MED26: variants seen among roughly 807,000 people sequenced by gnomAD.
MED26 encodes mediator of RNA polymerase II transcription subunit 26.
Under a neutral mutation model 43.7 loss-of-function variants are expected in MED26, and 7 were observed. The observed-to-expected ratio is 0.16, with a 90% confidence interval of 0.09 to 0.30. The LOEUF is 0.30. Among genes scored for constraint, MED26 ranks in the 10% least tolerant of loss-of-function variants. The probability of loss-of-function intolerance (pLI) is 1.00; values close to 1 mark genes in which losing one functional copy is unlikely to be tolerated. For synonymous variants in MED26, 375 were observed against 371.1 expected (o/e 1.01, Z -0.12); for missense variants, 784 against 840.6 (o/e 0.93, Z 0.83).
chr19:16,615,801 G>A (rs913153165), intron 1 of MED26, among the ~76,000 whole-genome samples: 26 of 150,414 alleles, frequency 1.7e-4, no homozygotes, highest in African/African-American at 6.1e-4. Context: ...GACCAGCCAA[G>A]CCACAAGGTC....
chr19:16,627,755 C>T (rs1599352919), intron 1 of MED26, 117 bp downstream of exon 1: 2 of 664,412 alleles, frequency 3.0e-6, no homozygotes, highest in South Asian at 4.7e-5. Context: ...CAGCGGCCCT[C>T]GAGGGGAGGT....
chr19:16,609,693 T>G (rs2086190830), intron 1 of MED26, among the ~76,000 whole-genome samples: 1 of 152,080 alleles, frequency 6.6e-6, no homozygotes, highest in Non-Finnish European at 1.5e-5. Context: ...TGAATGAAAC[T>G]AAAGTCCATT....
intron 1 of MED26, among the ~76,000 whole-genome samples, chr19:16,624,841 C>T (rs2086267066): frequency 6.6e-6 from 1 of 152,160 alleles, no homozygotes. Flanking sequence ...GTTTAAGCAG[C>T]AGGTAGAAAG....
chr19:16,607,169 C>T (rs1000881387), intron 1 of MED26, among the ~76,000 whole-genome samples: 13 of 151,810 alleles, frequency 8.6e-5, no homozygotes, highest in African/African-American at 2.7e-4. Context: ...TAGTGAGACC[C>T]TGTCTCTAAA....
At chr19:16,626,031 A>T (rs532007614) in intron 1 of MED26, among the ~76,000 whole-genome samples, 30 of 152,330 alleles carry the variant, frequency 2.0e-4, no homozygotes, top group Non-Finnish European at 4.1e-4. Context: ...GCTAAGACAC[A>T]CAAAACTAAG....
Position 16,577,341 on chromosome 19 carries a change from G to C in MED26, c.489C>G (p.Pro163=), listed in dbSNP as rs776028210. The C allele has an allele frequency of 3.1e-4, 494 of 1,612,022 alleles. 3 individuals carry two copies. In the Middle Eastern group the frequency reaches 3.6e-3, roughly 12 times the overall value. Residue 163 remains proline (P), a synonymous_variant, in exon 3 of 3, where the codon CCC becomes CCG. Transcript: ENST00000263390. The surrounding 1 kb of genome is among the most constrained non-coding windows in gnomAD (Gnocchi z 8.1). ...QRDLGHPGPP[P]KVSKASHDPL... ...GGTCGTGGCTAGCTTTGGAGACCTTGGGTGGCGGCCCTGGGTGGCCGAGGT... is the reference window on the plus strand; with the variant it reads ...GGTCGTGGCTAGCTTTGGAGACCTTCGGTGGCGGCCCTGGGTGGCCGAGGT...
chr19:16,579,839 T>C (rs2086035692), intron 1 of MED26, among the ~76,000 whole-genome samples: 1 of 152,226 alleles, frequency 6.6e-6, no homozygotes, highest in African/African-American at 2.4e-5. Flanking sequence ...AAAATATCCC[T>C]TGTGTATATA....
chr19:16,576,743 C>T lies in MED26; in HGVS notation c.1087G>A (p.Ala363Thr), dbSNP rs1208007729. ...GPGCKAGLSP[A>T]EPLLSRAGFS... is the part of the protein sequence containing the mutation. Reference sequence around the variant, plus strand: ...CCTGCCCGGGACAGGAGGGGCTCGGCTGGGGACAGCCCTGCCTTGCAGCCC... The same window carrying T: ...CCTGCCCGGGACAGGAGGGGCTCGGTTGGGGACAGCCCTGCCTTGCAGCCC... Residue 363 changes from alanine to threonine, a missense_variant, in exon 3 of 3, where the codon GCC becomes ACC. This residue lies in a region of MED26 where 719 missense variants were observed against 730.9 expected (regional missense o/e 0.98). Transcript: ENST00000263390. The surrounding 1 kb of genome is among the most constrained non-coding windows in gnomAD (Gnocchi z 6.8). 6.2e-7 allele frequency: 1 copy of T among 1,609,450 alleles called. No individual in the cohort carries two copies. Among genetic ancestry groups the T allele is most frequent in the Non-Finnish European group, 8.5e-7 (1 of 1,179,686 alleles).
chr19:16,613,200 C>T (rs2086207695), intron 1 of MED26, among the ~76,000 whole-genome samples: 1 of 152,178 alleles, frequency 6.6e-6, no homozygotes, highest in Admixed American at 6.5e-5. Context: ...GGTCTAATTC[C>T]CAAACTCTTA....
At chr19:16,597,283 G>T in intron 1 of MED26, 1 of 396,896 alleles carries the variant, frequency 2.5e-6, no homozygotes, top group Non-Finnish European at 4.4e-6. Flanking sequence ...AGCAAGTTAA[G>T]TTTCCCCCAC....
At chr19:16,613,255 G>A (rs1260199684) in intron 1 of MED26, among the ~76,000 whole-genome samples, 2 of 152,158 alleles carry the variant, frequency 1.3e-5, no homozygotes, top group African/African-American at 4.8e-5. Context: ...TTCTTTGGGA[G>A]GAGGGGAGAG....
intron 1 of MED26, among the ~76,000 whole-genome samples, chr19:16,589,716 G>A (rs1421682443): frequency 6.6e-6 from 1 of 152,154 alleles, no homozygotes; most frequent in African/African-American, 2.4e-5. Context: ...TCATTCAGCT[G>A]TAAAACTTGG....
intron 1 of MED26, among the ~76,000 whole-genome samples, chr19:16,581,736 A>G (rs1033188210): frequency 6.6e-6 from 1 of 152,164 alleles, no homozygotes; most frequent in Non-Finnish European, 1.5e-5. Flanking sequence ...GGAGCTGGGG[A>G]CACCAGGCGA....
chr19:16,615,356 T>C (rs1289876069), intron 1 of MED26, among the ~76,000 whole-genome samples: 1 of 152,198 alleles, frequency 6.6e-6, no homozygotes, highest in Non-Finnish European at 1.5e-5. Flanking sequence ...TGTGCTCAGA[T>C]GATTCTTTAC....
rs776081520 is a variant in MED26, at chr19:16,576,608, C to T, written c.1222G>A (p.Gly408Arg). 3.7e-6 allele frequency: 6 copies of T among 1,614,130 alleles called. No homozygotes were observed. Among genetic ancestry groups the T allele is most frequent in the South Asian group, 2.2e-5 (2 of 91,094 alleles). The change falls in exon 3 of 3, where the codon GGG (glycine) becomes AGG (arginine). Residue 408 changes from glycine (G) to arginine (R), a missense_variant. Coordinates refer to ENST00000263390, the MANE Select transcript of MED26 (RefSeq NM_004831.5). The surrounding 1 kb of genome is among the most constrained non-coding windows in gnomAD (Gnocchi z 6.8). Reference protein sequence around the residue: ...RPRDYTVNLDGQVAEAGVKPV... With the variant: ...RPRDYTVNLDRQVAEAGVKPV... ...TTGACGCCCGCCTCAGCCACCTGCC[C>T]GTCCAAGTTAACCGTATAGTCTCGA...
At chr19:16,620,620 T>C (rs143350180) in intron 1 of MED26, among the ~76,000 whole-genome samples, 2 of 152,296 alleles carry the variant, frequency 1.3e-5, no homozygotes, top group East Asian at 1.9e-4. Context: ...AGACCTGTTA[T>C]CAGCAGGAAT....
chr19:16,605,550 G>A (rs1043432828), intron 1 of MED26, among the ~76,000 whole-genome samples: 1 of 152,224 alleles, frequency 6.6e-6, no homozygotes, highest in Non-Finnish European at 1.5e-5. Flanking sequence ...TGGCCAGGCT[G>A]CCCCACTCAC....
Position 16,577,716 on chromosome 19 carries a change from G to T in MED26, c.148-34C>A. The T allele has an allele frequency of 1.3e-6, 2 of 1,507,954 alleles. No homozygotes were observed. The allele number at this position is 1,507,954 out of a possible 1,614,324, so 93.4% of individuals were successfully genotyped here. A position where few individuals can be genotyped will look rare whatever the true frequency, so the allele number is the denominator to read the frequency against. On this transcript the variant is annotated intron_variant, in intron 2 of 2. Coordinates refer to ENST00000263390, the MANE Select transcript of MED26 (RefSeq NM_004831.5). This position sits in a 1 kb window ranked among gnomAD's most constrained non-coding sequence, Gnocchi z 8.1. ...AGAGGGAGATGATGACATACTTTCG[G>T]GACAGGAACTTCTCCATGAGCTGAG...
At chr19:16,610,266 T>C (rs910950702) in intron 1 of MED26, 2 of 152,036 alleles carry the variant, frequency 1.3e-5, no homozygotes, top group African/African-American at 2.4e-5. Context: ...CAAGACTCTG[T>C]CTCTAAAAAA....
Sources: gnomAD v4.1 joint callset for allele counts (sites outside exome capture counted in the v4.1 genomes callset) on GRCh38, gnomAD v4.1.1 for gene constraint, gnomAD v4.1.1 regional missense constraint, Gnocchi (gnomAD v3.1) non-coding constraint, MANE v1.5 for transcripts, NCBI Gene and HGNC (gene_info 2026-07-23, HGNC 2026-07-21) for gene names.